Variants in PTPN3 observed in about 807,000 individuals in gnomAD.
PTPN3 encodes tyrosine-protein phosphatase non-receptor type 3.
A neutral mutation model predicts 132.7 loss-of-function variants in PTPN3; 96 were observed. The observed-to-expected ratio is 0.72, with a 90% CI of 0.61 to 0.86. The LOEUF is 0.86. PTPN3 is among the 40% of genes least tolerant of loss of function. PTPN3 has a pLI of 0.00. For synonymous variants in PTPN3, 398 were observed against 429.0 expected, an observed-to-expected ratio of 0.93 and a Z score of 0.89; for missense variants, 1,125 against 1,159.6, an observed-to-expected ratio of 0.97 and a Z score of 0.43.
At chr9:109,518,290 G>T in the PTPN3 span, among the ~76,000 whole-genome samples, 1 of 152,202 alleles carries the variant, frequency 6.6e-6, no homozygotes, top group Non-Finnish European at 1.5e-5. Flanking sequence ...TCTATGCCAG[G>T]AGCTGAGGTT....
chr9:109,410,485 G>A, intron 14 of PTPN3, 70 bp from the exon 15 acceptor site: 2 of 1,511,032 alleles, frequency 1.3e-6, no homozygotes, highest in Non-Finnish European at 1.8e-6. Flanking sequence ...ACTACTGACT[G>A]TAGGGGCCTG....
intron 5 of PTPN3, among the ~76,000 whole-genome samples, chr9:109,453,964 A>C (rs940681483): frequency 4.6e-5 from 7 of 152,096 alleles, no homozygotes. Context: ...GCAGTGAGCC[A>C]AGCTCGCACC....
intron 1 of PTPN3, among the ~76,000 whole-genome samples, chr9:109,477,106 C>T (rs1050298017): frequency 6.6e-6 from 1 of 152,182 alleles, no homozygotes; most frequent in African/African-American, 2.4e-5. Context: ...GGGCATCACA[C>T]ACCACCCACT....
Position 109,406,625 on chromosome 9 carries a change from G to A in PTPN3, c.1636-7C>T. Reference sequence around the variant, plus strand: ...TAGGAATGCAGGTGTCCGCCTGGGTGGTGGGGAAAAGCGAGTTTCTCCTGT... The same window carrying A: ...TAGGAATGCAGGTGTCCGCCTGGGTAGTGGGGAAAAGCGAGTTTCTCCTGT... On this transcript the variant is annotated splice_region_variant and splice_polypyrimidine_tract_variant and intron_variant, in intron 17 of 25. Coordinates refer to ENST00000374541, the MANE Select transcript of PTPN3 (RefSeq NM_002829.4). The A allele has an allele frequency of 6.2e-7, 1 of 1,613,740 alleles. No homozygotes were observed. The highest frequency in any genetic ancestry group is 2.2e-5 in the East Asian group (1 of 44,870).
At chr9:109,426,822 A>G (rs1030639933) in intron 12 of PTPN3, 128 bp downstream of exon 12, 1 of 1,025,532 alleles carries the variant, frequency 9.8e-7, no homozygotes, top group Admixed American at 2.7e-5. Flanking sequence ...TATGGTTCAG[A>G]GATCCAATGC....
intron 25 of PTPN3, among the ~76,000 whole-genome samples, chr9:109,380,470 G>C (rs1213511272): frequency 6.6e-6 from 1 of 152,146 alleles, no homozygotes; most frequent in Non-Finnish European, 1.5e-5. Context: ...TAGCCAGGCT[G>C]GTCTTGAACT....
chr9:109,415,628 G>C (rs1357327446), intron 14 of PTPN3, among the ~76,000 whole-genome samples: 1 of 152,216 alleles, frequency 6.6e-6, no homozygotes, highest in Non-Finnish European at 1.5e-5. Flanking sequence ...GAGCTAGACT[G>C]TGCAAGAGAC....
the PTPN3 span, among the ~76,000 whole-genome samples, chr9:109,507,511 A>G: frequency 1.3e-5 from 2 of 152,218 alleles, no homozygotes; most frequent in South Asian, 4.1e-4. Flanking sequence ...TGTTGCACGG[A>G]TGACACACCA....
chr9:109,416,438 T>A (rs1564415381), intron 14 of PTPN3, among the ~76,000 whole-genome samples: 1 of 141,794 alleles, frequency 7.1e-6, no homozygotes, highest in Non-Finnish European at 1.5e-5. Flanking sequence ...TTTTGTTTTT[T>A]GTTTTTTTGT....
At chr9:109,402,019 T>C (rs1354371561) in intron 19 of PTPN3, among the ~76,000 whole-genome samples, 1 of 152,160 alleles carries the variant, frequency 6.6e-6, no homozygotes, top group Admixed American at 6.5e-5. Flanking sequence ...TGTAAACTCC[T>C]TGGGGCCAGA....
At chr9:109,436,613 A>G (rs1275260644) in intron 9 of PTPN3, among the ~76,000 whole-genome samples, 1 of 152,218 alleles carries the variant, frequency 6.6e-6, no homozygotes, top group African/African-American at 2.4e-5. Context: ...TTAAAACCAT[A>G]ATATAAAATG....
chr9:109,418,985 C>A (rs1842711059), intron 14 of PTPN3, among the ~76,000 whole-genome samples: 1 of 152,202 alleles, frequency 6.6e-6, no homozygotes, highest in African/African-American at 2.4e-5. Flanking sequence ...CGGCTCTAGT[C>A]ACGCATGCCT....
intron 23 of PTPN3, among the ~76,000 whole-genome samples, chr9:109,383,078 C>T (rs1435694435): frequency 1.3e-5 from 2 of 152,182 alleles, no homozygotes; most frequent in African/African-American, 2.4e-5. Flanking sequence ...CTATGTCTGG[C>T]TTATTTCACT....
intron 10 of PTPN3, 132 bp downstream of exon 10, chr9:109,432,941 C>A: frequency 7.8e-6 from 11 of 1,409,362 alleles, no homozygotes; most frequent in Non-Finnish European, 9.3e-6. Context: ...ATTTAGAGGT[C>A]AGAGTAAAAC....
At chr9:109,496,243 C>T (rs570209545) in intron 1 of PTPN3, among the ~76,000 whole-genome samples, 1 of 152,214 alleles carries the variant, frequency 6.6e-6, no homozygotes. Context: ...TCGCTATAAA[C>T]TAGAATATTT....
In PTPN3 at chr9:109,381,646, A is replaced by G; in HGVS notation, c.2664+6T>C. On this transcript the variant is annotated splice_donor_region_variant and intron_variant, in intron 25 of 25. Transcript: ENST00000374541. The stretch of plus-strand genomic sequence containing the variant: ...CAGCCACCGTAATTACTGGATTTCT[A>G]CTCACTGATGTCTGCACCATCATGG... 1 of 1,614,092 alleles carries G rather than the reference A, an allele frequency of 6.2e-7. No homozygotes were observed. The highest frequency in any genetic ancestry group is 1.3e-5 in the African/African-American group (1 of 75,046).
the PTPN3 span, among the ~76,000 whole-genome samples, chr9:109,537,005 A>G: frequency 2.0e-5 from 3 of 151,136 alleles, no homozygotes; most frequent in East Asian, 3.9e-4. Flanking sequence ...GAGGGAAGGG[A>G]AGGGTGCAGG....
chr9:109,413,250 G>A (rs1003124668), intron 14 of PTPN3, among the ~76,000 whole-genome samples: 6 of 152,056 alleles, frequency 3.9e-5, no homozygotes, highest in East Asian at 1.9e-4. Flanking sequence ...CACCGTGCCC[G>A]GCCTGCCCTA....
At chr9:109,451,992 G>A (rs182169438) in intron 5 of PTPN3, among the ~76,000 whole-genome samples, 514 of 152,226 alleles carry the variant, frequency 3.4e-3, no homozygotes, top group Admixed American at 5.6e-3. Context: ...AAGTAAGGCC[G>A]GGCACAGAGG....
Sources: allele counts gnomAD v4.1 joint callset (sites outside exome capture counted in the v4.1 genomes callset), GRCh38; gene constraint gnomAD v4.1.1; transcripts MANE v1.5; gene names NCBI Gene and HGNC (gene_info 2026-07-23, HGNC 2026-07-21).